BMPER: variants seen among roughly 807,000 people sequenced by gnomAD.
The protein encoded by BMPER is BMP binding endothelial regulator, also known as BMP-binding endothelial regulator protein.
BMPER carries 45 observed loss-of-function variants against 87.3 expected under a neutral mutation model. That is an observed-to-expected ratio of 0.52 (90% confidence interval 0.41 to 0.66). The LOEUF is 0.66. Ranked by LOEUF, BMPER falls within the 30% of genes least tolerant of loss-of-function variation. BMPER has a pLI of 0.00. For missense variants in BMPER, 784 were observed against 867.5 expected, an observed-to-expected ratio of 0.90 and a Z score of 1.21; for synonymous variants, 326 against 316.2, an observed-to-expected ratio of 1.03 and a Z score of -0.33.
intron 6 of BMPER, among the ~76,000 whole-genome samples, chr7:34,002,055 C>A (rs538052101): frequency 4.0e-5 from 6 of 151,406 alleles, no homozygotes; most frequent in Admixed American, 2.6e-4. Context: ...TTTAAAAATT[C>A]ATTGAGACTT....
At chr7:34,000,409 C>G (rs1007851939) in intron 6 of BMPER, among the ~76,000 whole-genome samples, 7 of 151,924 alleles carry the variant, frequency 4.6e-5, no homozygotes, top group Admixed American at 2.0e-4. Flanking sequence ...TGAAGGTTGA[C>G]TATATATTAG....
chr7:34,127,551 C>T (rs1790438105), intron 13 of BMPER, among the ~76,000 whole-genome samples: 1 of 152,036 alleles, frequency 6.6e-6, no homozygotes, highest in South Asian at 2.1e-4. Context: ...CACACCACTC[C>T]CTGGATGTTC....
chr7:34,034,978 C>T (rs1480495747), intron 6 of BMPER, among the ~76,000 whole-genome samples: 4 of 152,100 alleles, frequency 2.6e-5, no homozygotes, highest in Admixed American at 6.5e-5. Context: ...ATGCTGGGAC[C>T]CCCCACCACA....
At chr7:33,977,410 C>A (rs1785714680) in intron 6 of BMPER, among the ~76,000 whole-genome samples, 1 of 152,114 alleles carries the variant, frequency 6.6e-6, no homozygotes, top group African/African-American at 2.4e-5. Context: ...ATGGAGTTTG[C>A]CAGTGTTGCC....
chr7:34,151,045 G>A (rs1791162395), intron 14 of BMPER, among the ~76,000 whole-genome samples: 1 of 152,146 alleles, frequency 6.6e-6, no homozygotes, highest in Non-Finnish European at 1.5e-5. Context: ...AAGATGGGGT[G>A]AATGGTGGTG....
chr7:34,058,838 C>T (rs1034784489), intron 10 of BMPER, among the ~76,000 whole-genome samples: 15 of 152,066 alleles, frequency 9.9e-5, no homozygotes, highest in Admixed American at 7.9e-4. Flanking sequence ...AACACCTTCC[C>T]GTGAATGAAA....
intron 6 of BMPER, among the ~76,000 whole-genome samples, chr7:33,994,899 A>G (rs1204822678): frequency 6.6e-6 from 1 of 152,190 alleles, no homozygotes; most frequent in Non-Finnish European, 1.5e-5. Context: ...CTACAATTCT[A>G]TAATATCTCA....
chr7:34,044,534 A>C (rs1428657498), intron 6 of BMPER, among the ~76,000 whole-genome samples: 1 of 152,072 alleles, frequency 6.6e-6, no homozygotes, highest in Non-Finnish European at 1.5e-5. Context: ...CTTCATGTCT[A>C]AGCTGGGGCT....
At chr7:34,028,501 G>C (rs918534130) in intron 6 of BMPER, among the ~76,000 whole-genome samples, 1 of 146,802 alleles carries the variant, frequency 6.8e-6, no homozygotes, top group Non-Finnish European at 1.5e-5. Flanking sequence ...CCTGAGATTA[G>C]AAAGTTTGAA....
chr7:33,924,415 T>C (rs1784309179), intron 2 of BMPER, among the ~76,000 whole-genome samples: 1 of 152,210 alleles, frequency 6.6e-6, no homozygotes. Context: ...ACTACCTACA[T>C]GGCCCTGCGC....
At chr7:33,941,016 AT>A (rs529399439) in intron 3 of BMPER, among the ~76,000 whole-genome samples, 78 of 133,230 alleles carry the variant, frequency 5.9e-4, no homozygotes, top group Non-Finnish European at 7.5e-4. Context: ...TATGTAATAT[AT>A]TTACATATAA....
chr7:34,083,321 C>G (rs191406182), intron 12 of BMPER, among the ~76,000 whole-genome samples: 1 of 152,322 alleles, frequency 6.6e-6, no homozygotes, highest in East Asian at 1.9e-4. Flanking sequence ...TGTCCCTTCT[C>G]TCATACCTGG....
chr7:34,123,678 T>C (rs1308584193), intron 13 of BMPER, among the ~76,000 whole-genome samples: 1 of 152,234 alleles, frequency 6.6e-6, no homozygotes, highest in Non-Finnish European at 1.5e-5. Flanking sequence ...TCATGGATGA[T>C]TGAGCATCTT....
At chr7:34,056,584 C>G (rs980609144) in intron 9 of BMPER, among the ~76,000 whole-genome samples, 2 of 151,172 alleles carry the variant, frequency 1.3e-5, no homozygotes, top group Admixed American at 6.6e-5. Flanking sequence ...TAGCCTCACT[C>G]TCACTCTCAC....
At chr7:34,022,141 G>C (rs1450204684) in intron 6 of BMPER, among the ~76,000 whole-genome samples, 1 of 152,076 alleles carries the variant, frequency 6.6e-6, no homozygotes, top group African/African-American at 2.4e-5. Context: ...TTCATCACAT[G>C]ATGGGCCTTT....
intron 3 of BMPER, among the ~76,000 whole-genome samples, chr7:33,949,671 T>C (rs1483335161): frequency 6.6e-6 from 1 of 152,166 alleles, no homozygotes; most frequent in Non-Finnish European, 1.5e-5. Context: ...AGTTGTTAGA[T>C]TCTGGAATGC....
In BMPER at chr7:34,143,358, C is replaced by T. The variant is rs1295281583; in HGVS notation, c.1874C>T (p.Ala625Val). 3.1e-6 allele frequency: 5 copies of T among 1,613,698 alleles called. No individual in the cohort carries two copies. The highest frequency in any genetic ancestry group is 4.2e-6 in the Non-Finnish European group (5 of 1,179,848). The change falls in exon 14 of 15, where the codon GCA becomes GTA. Residue 625 changes from alanine (A) to valine (V), a missense_variant and splice_region_variant. Ala to Val is a moderately conservative substitution (Grantham distance 64, BLOSUM62 0). Coordinates refer to ENST00000649409, the MANE Select transcript of BMPER (RefSeq NM_001365308.1). ...KVHWEPQQNC[A>V]ATQCKHGAVY... ...CACTGGGAGCCTCAGCAGAATTGTG[C>T]AGGTAAGAAAGTCCTGCTGGATCTA... is the stretch of plus-strand genomic sequence containing the variant.
intron 14 of BMPER, 32 bp from the exon 15 acceptor site, chr7:34,153,060 A>G (rs772653561): frequency 5.6e-6 from 9 of 1,613,218 alleles, no homozygotes; most frequent in Admixed American, 3.3e-5. Context: ...GCCTTTCTCC[A>G]TGTTATGCCT....
At chr7:34,097,587 A>C (rs550497043) in intron 13 of BMPER, among the ~76,000 whole-genome samples, 4 of 152,152 alleles carry the variant, frequency 2.6e-5, no homozygotes, top group African/African-American at 9.6e-5. Flanking sequence ...AAATGGAATC[A>C]CCTACAGAGC....
Sources: allele counts gnomAD v4.1 joint callset (sites outside exome capture counted in the v4.1 genomes callset), GRCh38; gene constraint gnomAD v4.1.1; transcripts MANE v1.5; gene names NCBI Gene and HGNC (gene_info 2026-07-23, HGNC 2026-07-21).